ZBTB38: variants seen among roughly 807,000 people sequenced by gnomAD.
The protein encoded by ZBTB38 is zinc finger and BTB domain containing 38, also known as zinc finger and BTB domain-containing protein 38.
ZBTB38 carries 20 observed loss-of-function variants against 76.8 expected under a neutral mutation model. The observed-to-expected ratio is 0.26, with a 90% CI of 0.18 to 0.38. ZBTB38 has a LOEUF of 0.38. ZBTB38 is among the 10% of genes least tolerant of loss of function. The pLI, the probability that ZBTB38 is intolerant of heterozygous loss-of-function variation, is 1.00. For synonymous variants in ZBTB38, 504 were observed against 544.2 expected, an observed-to-expected ratio of 0.93 and a Z score of 1.03; for missense variants, 1,082 against 1,482.3, an observed-to-expected ratio of 0.73 and a Z score of 4.43.
intron 5 of ZBTB38, among the ~76,000 whole-genome samples, chr3:141,404,363 A>G (rs1953561801): frequency 6.6e-6 from 1 of 152,210 alleles, no homozygotes; most frequent in Non-Finnish European, 1.5e-5. Flanking sequence ...GAGAGTTTAA[A>G]TGACTCTTCA....
intron 2 of ZBTB38, among the ~76,000 whole-genome samples, chr3:141,377,290 T>C (rs1002629075): frequency 5.2e-4 from 79 of 152,330 alleles, no homozygotes; most frequent in African/African-American, 1.8e-3. Flanking sequence ...CCCAAACTGC[T>C]GTGTAGACAG....
chr3:141,448,418 C>T lies in ZBTB38; in HGVS notation c.*2442C>T, dbSNP rs1291518352. On this transcript the variant is annotated 3_prime_UTR_variant, in exon 6 of 6. Coordinates refer to ENST00000321464, the MANE Select transcript of ZBTB38 (RefSeq NM_001376113.1). Reference sequence around the variant, plus strand: ...TATTCTATACAATTTATAGCAGAGCCGTTTTAAGACAGCCTTGTCACATTT... The same window carrying T: ...TATTCTATACAATTTATAGCAGAGCTGTTTTAAGACAGCCTTGTCACATTT... The T allele has an allele frequency of 1.3e-5, 2 of 152,426 alleles. No homozygotes were observed. The highest frequency in any genetic ancestry group is 2.4e-5 in the African/African-American group (1 of 41,388). The allele number at this position is 152,426 out of a possible 1,614,324, so 9.4% of individuals were successfully genotyped here.
intron 1 of ZBTB38, among the ~76,000 whole-genome samples, chr3:141,327,450 G>A (rs546979541): frequency 3.3e-5 from 5 of 152,156 alleles, no homozygotes; most frequent in African/African-American, 7.2e-5. Context: ...CAGTCCAACC[G>A]TGAGAAAAAT....
chr3:141,385,128 T>G (rs1171707884), intron 3 of ZBTB38, among the ~76,000 whole-genome samples: 2 of 152,188 alleles, frequency 1.3e-5, no homozygotes, highest in African/African-American at 4.8e-5. Flanking sequence ...CAGCCAGTCC[T>G]TACAGAAGAT....
At chr3:141,400,146 T>C (rs905677184) in intron 4 of ZBTB38, among the ~76,000 whole-genome samples, 3 of 152,114 alleles carry the variant, frequency 2.0e-5, no homozygotes, top group Non-Finnish European at 4.4e-5. Flanking sequence ...TCCAGATAGT[T>C]CCCCATACTC....
rs189142382 is a variant in ZBTB38 at position 141,414,890 on chromosome 3, T to C, written c.-1+10859T>C. Among the ~76,000 whole-genome samples, 108 of 152,226 alleles carry C rather than the reference T, an allele frequency of 7.1e-4. 2 individuals are homozygous for C. Among genetic ancestry groups the C allele is most frequent in the South Asian group, 4.6e-3 (22 of 4,812 alleles). On this transcript the variant is annotated intron_variant, in intron 5 of 5. Transcript: ENST00000321464. ...GTCCTCTCTGCCTCTGTTGACACTT[T>C]ATTGACCTTCCACACACCCTGGAAT...
Position 141,446,098 on chromosome 3 carries a change from C to A in ZBTB38, c.*122C>A, listed in dbSNP as rs77404499. 1.3e-6 allele frequency: 1 copy of A among 776,746 alleles called. No homozygotes were observed. Among genetic ancestry groups the A allele is most frequent in the Non-Finnish European group, 1.8e-6 (1 of 542,606 alleles). 48.1% of individuals were successfully genotyped at this position (776,746 alleles called of 1,614,324 possible). On this transcript the variant is annotated 3_prime_UTR_variant, in exon 6 of 6. Transcript: ENST00000321464. ...GGAGTGAAATTAAAAAAAAAAAAAACTCATTTGTGAAAATTCCAGAAAAAG... is the reference window on the plus strand; with the variant it reads ...GGAGTGAAATTAAAAAAAAAAAAAAATCATTTGTGAAAATTCCAGAAAAAG...
chr3:141,339,558 G>T lies in ZBTB38; in HGVS notation c.-739+15102G>T, dbSNP rs114766225. On this transcript the variant is annotated intron_variant, in intron 1 of 7. Transcript: ENST00000509842. Reference sequence around the variant, plus strand: ...AAGATGGTAAGAAGTGGTTGAATTTGTGTGTGTTTCGAAGGTAGAGCTGAT... The same window carrying T: ...AAGATGGTAAGAAGTGGTTGAATTTTTGTGTGTTTCGAAGGTAGAGCTGAT... 2.4e-3 allele frequency among the ~76,000 whole-genome samples: 360 copies of T among 152,290 alleles called. 2 individuals carry two copies. Among genetic ancestry groups the T allele is most frequent in the African/African-American group, 7.9e-3 (329 of 41,562 alleles).
chr3:141,358,387 C>A (rs1943725850), intron 1 of ZBTB38, among the ~76,000 whole-genome samples: 1 of 152,122 alleles, frequency 6.6e-6, no homozygotes, highest in Non-Finnish European at 1.5e-5. Flanking sequence ...GCGATCTGTC[C>A]AATTGTCTGC....
chr3:141,441,721 G>A (rs1028598358), intron 5 of ZBTB38, among the ~76,000 whole-genome samples: 1 of 152,100 alleles, frequency 6.6e-6, no homozygotes, highest in African/African-American at 2.4e-5. Flanking sequence ...TAAAAAAATA[G>A]CCTGGGCAAC....
At chr3:141,346,025 A>G (rs746156753) in intron 1 of ZBTB38, among the ~76,000 whole-genome samples, 2 of 152,176 alleles carry the variant, frequency 1.3e-5, no homozygotes, top group African/African-American at 4.8e-5. Context: ...ATTTCCTGGA[A>G]TAATACCTAC....
At chr3:141,391,438 A>C (rs1948835448) in intron 4 of ZBTB38, among the ~76,000 whole-genome samples, 1 of 152,128 alleles carries the variant, frequency 6.6e-6, no homozygotes, top group Non-Finnish European at 1.5e-5. Flanking sequence ...AACTTAGGTA[A>C]GCTTCCCCTA....
chr3:141,448,708 T>C lies in ZBTB38; in HGVS notation c.*2732T>C, dbSNP rs1319971109. ...TAAAATAGCTTATTCCTACATTAAG[T>C]CTCTTTTTAAATGTTTTCATGTTAT... On this transcript the variant is annotated 3_prime_UTR_variant, in exon 6 of 6. Transcript: ENST00000321464. The C allele has an allele frequency of 6.6e-6, 1 of 152,226 alleles. No individual in the cohort carries two copies. The highest frequency in any genetic ancestry group is 2.4e-5 in the African/African-American group (1 of 41,460). The allele number at this position is 152,226 out of a possible 1,614,324, so 9.4% of individuals were successfully genotyped here.
At chr3:141,375,142 A>G (rs1210053511) in intron 2 of ZBTB38, among the ~76,000 whole-genome samples, 1 of 152,266 alleles carries the variant, frequency 6.6e-6, no homozygotes, top group African/African-American at 2.4e-5. Flanking sequence ...AATTTAACTT[A>G]AAGTCTTTTT....
intron 4 of ZBTB38, among the ~76,000 whole-genome samples, chr3:141,401,677 A>AT (rs1259529524): frequency 6.6e-6 from 1 of 150,864 alleles, no homozygotes; most frequent in East Asian, 1.9e-4. Flanking sequence ...AACATGGACG[A>AT]TTTAAAAAAA....
At chr3:141,330,295 G>A (rs1942809866) in intron 1 of ZBTB38, among the ~76,000 whole-genome samples, 1 of 152,156 alleles carries the variant, frequency 6.6e-6, no homozygotes, top group Non-Finnish European at 1.5e-5. Context: ...CCTGACTAAG[G>A]GTACCATGGA....
Position 141,443,537 on chromosome 3 carries a change from G to T in ZBTB38, c.1149G>T (p.Leu383=). The T allele has an allele frequency of 6.2e-7, 1 of 1,614,160 alleles. No individual in the cohort carries two copies. Among genetic ancestry groups the T allele is most frequent in the Admixed American group, 1.7e-5 (1 of 60,024 alleles). Residue 383 remains leucine, a synonymous_variant, in exon 6 of 6, where the codon CTG becomes CTT. Coordinates refer to ENST00000321464, the MANE Select transcript of ZBTB38 (RefSeq NM_001376113.1). This position sits in a 1 kb window ranked among gnomAD's most constrained non-coding sequence, Gnocchi z 5.6. The part of the protein sequence containing the change: ...CKYCNKQFTT[L]NRLDRHEQIC... The stretch of plus-strand genomic sequence containing the variant: ...ATTGCAACAAACAATTCACCACCCT[G>T]AACAGGTTGGATCGGCATGAACAGA...
chr3:141,390,933 T>C (rs1948684953), intron 4 of ZBTB38, among the ~76,000 whole-genome samples: 1 of 152,058 alleles, frequency 6.6e-6, no homozygotes, highest in Non-Finnish European at 1.5e-5. Flanking sequence ...GACGGGAGGA[T>C]TGCTTGAGAC....
chr3:141,369,068 CA>C (rs1440910271), intron 1 of ZBTB38, among the ~76,000 whole-genome samples: 7 of 151,024 alleles, frequency 4.6e-5, no homozygotes, highest in Admixed American at 3.9e-4. Context: ...CTTTCCCTGT[CA>C]ACCCTCTTGT....
Sources: gnomAD v4.1 joint callset for allele counts (sites outside exome capture counted in the v4.1 genomes callset) on GRCh38, gnomAD v4.1.1 for gene constraint, Gnocchi (gnomAD v3.1) non-coding constraint, MANE v1.5 for transcripts, NCBI Gene and HGNC (gene_info 2026-07-23, HGNC 2026-07-21) for gene names.